Variants in LYST observed in about 807,000 individuals in gnomAD.
LYST encodes lysosomal-trafficking regulator.
LYST carries 192 observed loss-of-function variants against 413.6 expected under a neutral mutation model. The ratio of observed to expected loss-of-function variants is 0.46; its 90% CI spans 0.41 to 0.52. LYST has a LOEUF of 0.52. Among genes scored for constraint, LYST ranks in the 20% least tolerant of loss-of-function variants. LYST has a pLI of 0.00. For synonymous variants in LYST, 1,525 were observed against 1,567.3 expected, an observed-to-expected ratio of 0.97 and a Z score of 0.64; for missense variants, 3,815 against 4,499.9, an observed-to-expected ratio of 0.85 and a Z score of 4.35.
Position 235,788,843 on chromosome 1 carries a change from T to C in LYST, c.4546A>G (p.Ser1516Gly). 1 of 1,613,426 alleles carries C rather than the reference T, an allele frequency of 6.2e-7. No homozygotes were observed. The highest frequency in any genetic ancestry group is 2.2e-5 in the East Asian group (1 of 44,804). ...TACTCTGCACCTTCTGGTCTGTCGCTCTCTATAAGAAAAAGATGTTAGAAT... is the reference window on the plus strand; with the variant it reads ...TACTCTGCACCTTCTGGTCTGTCGCCCTCTATAAGAAAAAGATGTTAGAAT... ...LPDSSFDGTE[S>G]DRPEGAEYIN... The change falls in exon 13 of 53, where the codon AGC becomes GGC. Residue 1516 changes from serine (S) to glycine (G), a missense_variant and splice_region_variant. Coordinates refer to ENST00000389793, the MANE Select transcript of LYST (RefSeq NM_000081.4).
At chr1:235,700,592 G>T (rs1177921068) in intron 45 of LYST, among the ~76,000 whole-genome samples, 1 of 152,160 alleles carries the variant, frequency 6.6e-6, no homozygotes, top group Non-Finnish European at 1.5e-5. Context: ...TGGTTTCAAG[G>T]CTTGTGTTTG....
chr1:235,685,953 T>C (rs1031123602), intron 48 of LYST, among the ~76,000 whole-genome samples: 2 of 151,690 alleles, frequency 1.3e-5, no homozygotes, highest in Admixed American at 1.3e-4. Context: ...TTTAATACTA[T>C]AAAGAAAATT....
intron 10 of LYST, among the ~76,000 whole-genome samples, chr1:235,799,951 TTTTTTTTTTTTTTTTTTTTTTTTG>T (rs1672024659): frequency 9.7e-6 from 1 of 102,918 alleles, no homozygotes; most frequent in Admixed American, 1.0e-4. Flanking sequence ...TTTTTTTTTT[TTTTTTTTTTTTTTTTTTTTTTTTG>T]AGACAGGGTC....
intron 1 of LYST, among the ~76,000 whole-genome samples, chr1:235,880,344 A>G (rs984509556): frequency 6.6e-6 from 1 of 152,204 alleles, no homozygotes; most frequent in Non-Finnish European, 1.5e-5. Context: ...CATTCTGAAA[A>G]CATGCATGGT....
Position 235,671,126 on chromosome 1 carries a change from C to G in LYST, c.11038+5965G>C, listed in dbSNP as rs576597868. On this transcript the variant is annotated intron_variant, in intron 50 of 52. Transcript: ENST00000389793. ...CTAATTTTTGTATTTTTAGTAGAGA[C>G]AAGGTTTTGTCATGTTGGCCAAGCT... Among the ~76,000 whole-genome samples the G allele has an allele frequency of 1.8e-4, 28 of 152,234 alleles. No individual in the cohort carries two copies. In the South Asian group the frequency reaches 5.8e-3, roughly 32 times the overall value.
At chr1:235,866,516 C>A (rs956857433) in intron 1 of LYST, among the ~76,000 whole-genome samples, 1 of 152,240 alleles carries the variant, frequency 6.6e-6, no homozygotes, top group African/African-American at 2.4e-5. Flanking sequence ...CGACCTCGCC[C>A]CCCGCGCGCT....
chr1:235,729,668 A>G lies in LYST; in HGVS notation c.9045-11T>C, dbSNP rs537803292. 22 of 1,579,160 alleles carry G rather than the reference A, an allele frequency of 1.4e-5. No individual in the cohort carries two copies. In the South Asian group the frequency reaches 2.2e-4, roughly 16 times the overall value. ...CATCTTCGATTCACTCTGTCAAAAC[A>G]TATTTAAAATTACTATGACTAAATG... On this transcript the variant is annotated splice_polypyrimidine_tract_variant and intron_variant, in intron 36 of 52. Coordinates refer to ENST00000389793, the MANE Select transcript of LYST (RefSeq NM_000081.4).
chr1:235,875,868 T>C (rs1039992038), intron 1 of LYST, among the ~76,000 whole-genome samples: 1 of 151,996 alleles, frequency 6.6e-6, no homozygotes, highest in South Asian at 2.1e-4. Context: ...ACAAACTGCA[T>C]TGAATGTACT....
At chr1:235,866,425 G>A (rs1293189933) in intron 1 of LYST, among the ~76,000 whole-genome samples, 1 of 152,198 alleles carries the variant, frequency 6.6e-6, no homozygotes, top group East Asian at 1.9e-4. Flanking sequence ...CTGACAGCTT[G>A]GGCCCAGCTG....
In LYST at chr1:235,761,221, G is replaced by A. The variant is rs563511958; in HGVS notation, c.6253+1499C>T. The stretch of plus-strand genomic sequence containing the variant: ...ACTTTGGCAGGAAAACAAAACTAGA[G>A]ACTAATACCTATATATCTAGTTCTA... On this transcript the variant is annotated intron_variant, in intron 22 of 52. Transcript: ENST00000389793. Among the ~76,000 whole-genome samples the A allele has an allele frequency of 7.2e-5, 11 of 152,248 alleles. No individual in the cohort carries two copies. In the Middle Eastern group the frequency reaches 0.01, roughly 141 times the overall value.
chr1:235,863,850 C>T lies in LYST; in HGVS notation c.-98+2993G>A, dbSNP rs185692914. 2.6e-5 allele frequency among the ~76,000 whole-genome samples: 4 copies of T among 152,310 alleles called. No homozygotes were observed. In the Middle Eastern group the frequency reaches 0.01, roughly 389 times the overall value. ...GACAAAAATTCTTTGCTTGGCCAAA[C>T]TTACTCAGGCTTTTGAATTTTCTGT... On this transcript the variant is annotated intron_variant, in intron 1 of 52. Transcript: ENST00000389793.
chr1:235,867,457 G>C (rs1558367334), upstream of LYST, among the ~76,000 whole-genome samples: 2 of 152,224 alleles, frequency 1.3e-5, no homozygotes, highest in East Asian at 3.8e-4. Context: ...TATTGTAATG[G>C]TTACCGTCGG....
intron 34 of LYST, among the ~76,000 whole-genome samples, chr1:235,732,049 T>C (rs561055105): frequency 1.3e-5 from 2 of 152,132 alleles, no homozygotes; most frequent in East Asian, 1.9e-4. Flanking sequence ...ACCAAAATAC[T>C]GGTAGCGGTT....
At chr1:235,855,062 A>G (rs1679003672) in intron 1 of LYST, among the ~76,000 whole-genome samples, 1 of 152,150 alleles carries the variant, frequency 6.6e-6, no homozygotes, top group South Asian at 2.1e-4. Flanking sequence ...ACACTTTCTC[A>G]ACTAATTTTT....
intron 48 of LYST, among the ~76,000 whole-genome samples, chr1:235,680,206 A>G (rs1338919867): frequency 6.6e-6 from 1 of 152,122 alleles, no homozygotes; most frequent in Non-Finnish European, 1.5e-5. Flanking sequence ...CAACTTTTTT[A>G]AGAAACAGTA....
In LYST at chr1:235,777,069, A is replaced by G; in HGVS notation, c.5454T>C (p.Phe1818=). 6.2e-7 allele frequency: 1 copy of G among 1,613,332 alleles called. No individual in the cohort carries two copies. Among genetic ancestry groups the G allele is most frequent in the Non-Finnish European group, 8.5e-7 (1 of 1,179,498 alleles). Residue 1818 remains phenylalanine (F), a synonymous_variant, in exon 17 of 53, where the codon TTT becomes TTC. Transcript: ENST00000389793. ...IGGTGIFVFL[F]ARVVELSSCE... is the part of the protein sequence containing the mutation. ...TATAAGCAGTGATTCTTACCCTGGC[A>G]AAGAGAAAAACAAATATGCCAGTTC...
chr1:235,662,337 A>G lies in LYST; in HGVS notation c.*603T>C, dbSNP rs1571942377. ...CTTTGAGCTAAGAAAGCAACTGGCA[A>G]AAACTGCCTAATTTTGAGATTCATT... On this transcript the variant is annotated 3_prime_UTR_variant, in exon 53 of 53. Coordinates refer to ENST00000389793, the MANE Select transcript of LYST (RefSeq NM_000081.4). The G allele has an allele frequency of 6.5e-6, 1 of 152,850 alleles. No individual in the cohort carries two copies. The highest frequency in any genetic ancestry group is 2.4e-5 in the African/African-American group (1 of 41,474). 9.5% of individuals were successfully genotyped at this position (152,850 alleles called of 1,614,324 possible).
At chr1:235,742,179 G>A (rs1665466172) in intron 30 of LYST, among the ~76,000 whole-genome samples, 1 of 152,162 alleles carries the variant, frequency 6.6e-6, no homozygotes, top group Non-Finnish European at 1.5e-5. Flanking sequence ...TTCCGGCCGG[G>A]TGTGGTGGCT....
intron 28 of LYST, among the ~76,000 whole-genome samples, chr1:235,750,071 T>A (rs1666332940): frequency 6.6e-6 from 1 of 152,180 alleles, no homozygotes. Context: ...AAATTCCATC[T>A]AAGCAGTCAC....
Sources: allele counts gnomAD v4.1 joint callset (sites outside exome capture counted in the v4.1 genomes callset), GRCh38; gene constraint gnomAD v4.1.1; transcripts MANE v1.5; gene names NCBI Gene and HGNC (gene_info 2026-07-23, HGNC 2026-07-21).